The following ANKRD11 variants were observed in gnomAD, a reference collection of about 807,000 sequenced individuals.
ANKRD11 encodes the protein ankyrin repeat domain-containing protein 11.
Under a neutral mutation model 195.7 loss-of-function variants are expected in ANKRD11, and 17 were observed. The ratio of observed to expected loss-of-function variants is 0.09; its 90% confidence interval spans 0.06 to 0.13. ANKRD11 has a LOEUF of 0.13. ANKRD11 is among the 10% of genes least tolerant of loss of function. ANKRD11 has a pLI of 1.00. For synonymous variants in ANKRD11, 1,953 were observed against 1,528.1 expected (o/e 1.28, Z -6.49); for missense variants, 3,735 against 3,566.1 (o/e 1.05, Z -1.21).
chr16:89,274,691 C>A (rs932853081), intron 11 of ANKRD11, 123 bp downstream of exon 11: 2 of 1,410,850 alleles, frequency 1.4e-6, no homozygotes, highest in Middle Eastern at 2.4e-4. Context: ...GACTCTGTAG[C>A]CCCTGCAAGG....
chr16:89,442,119 C>T (rs1446101629), intron 1 of ANKRD11, among the ~76,000 whole-genome samples: 4 of 152,204 alleles, frequency 2.6e-5, no homozygotes, highest in Admixed American at 1.3e-4. Flanking sequence ...GCAGTTGGCA[C>T]ACCGATGCAG....
intron 2 of ANKRD11, among the ~76,000 whole-genome samples, chr16:89,415,151 G>A (rs539830550): frequency 2.0e-5 from 3 of 151,146 alleles, no homozygotes; most frequent in South Asian, 2.1e-4. Flanking sequence ...ATGCGGTCTC[G>A]TCATGTTACT....
chr16:89,417,927 C>G (rs1222965142), intron 2 of ANKRD11, among the ~76,000 whole-genome samples: 4 of 152,174 alleles, frequency 2.6e-5, no homozygotes, highest in East Asian at 1.9e-4. Context: ...TCAGAGCACA[C>G]AACACACAGC....
In ANKRD11 at chr16:89,279,957, G is replaced by T; in HGVS notation, c.6585C>A (p.Ala2195=). 6.2e-7 allele frequency: 1 copy of T among 1,610,402 alleles called. No individual in the cohort carries two copies. The change falls in exon 9 of 13, where the codon GCC becomes GCA. Residue 2195 remains alanine, a synonymous_variant. Coordinates refer to ENST00000301030, the MANE Select transcript of ANKRD11 (RefSeq NM_013275.6). The surrounding 1 kb of genome is among the most constrained non-coding windows in gnomAD (Gnocchi z 5.6). ...EEPPALPPDQ[A]STRLPAELEP... Reference sequence around the variant, plus strand: ...CGAGCTCTGCAGGGAGCCGGGTGGAGGCCTGGTCAGGAGGCAGTGCCGGCG... The same window carrying T: ...CGAGCTCTGCAGGGAGCCGGGTGGATGCCTGGTCAGGAGGCAGTGCCGGCG...
chr16:89,281,322 G>C lies in ANKRD11; in HGVS notation c.5220C>G (p.Ala1740=), dbSNP rs149098783. ...GCACGGGCGTGGAGTGCTGCGAGTC[G>C]GCGCAGTCGAACACGAGGTCCGCGT... is the stretch of plus-strand genomic sequence containing the variant. ...DDYADLVFDC[A]DSQHSTPVPT... Residue 1740 remains alanine (A), a synonymous_variant, in exon 9 of 13, where the codon GCC becomes GCG. Transcript: ENST00000301030. The surrounding 1 kb of genome is among the most constrained non-coding windows in gnomAD (Gnocchi z 5.5). 1 of 1,613,854 alleles carries C rather than the reference G, an allele frequency of 6.2e-7. No individual in the cohort carries two copies. Among genetic ancestry groups the C allele is most frequent in the Non-Finnish European group, 8.5e-7 (1 of 1,179,808 alleles).
intron 2 of ANKRD11, among the ~76,000 whole-genome samples, chr16:89,416,963 C>T (rs961142452): frequency 2.6e-5 from 4 of 152,030 alleles, no homozygotes; most frequent in Non-Finnish European, 5.9e-5. Context: ...AGGCTCAGTC[C>T]ACCTCCAGAT....
intron 2 of ANKRD11, among the ~76,000 whole-genome samples, chr16:89,334,702 G>A (rs1204591293): frequency 6.6e-6 from 1 of 152,028 alleles, no homozygotes; most frequent in Non-Finnish European, 1.5e-5. Context: ...GCACACCCCA[G>A]GGATGAGCAG....
chr16:89,324,510 G>C lies in ANKRD11; in HGVS notation c.-59-7432C>G, dbSNP rs572087683. 6 of 456,294 alleles carry C rather than the reference G, an allele frequency of 1.3e-5. No homozygotes were observed. The East Asian group carries it at 4.2e-4, about 32-fold the overall frequency. The allele number at this position is 456,294 out of a possible 1,614,324, so 28.3% of individuals were successfully genotyped here. A position where few individuals can be genotyped will look rare whatever the true frequency, so the allele number is the denominator to read the frequency against. On this transcript the variant is annotated intron_variant, in intron 2 of 12. Transcript: ENST00000301030. Reference sequence around the variant, plus strand: ...TAACTGTTCCTGGGAGCATCTTGAGGAAGCTGCCAAAGGAGATTCACATTG... The same window carrying C: ...TAACTGTTCCTGGGAGCATCTTGAGCAAGCTGCCAAAGGAGATTCACATTG...
At chr16:89,346,573 A>C (rs2038953252) in intron 2 of ANKRD11, among the ~76,000 whole-genome samples, 1 of 152,252 alleles carries the variant, frequency 6.6e-6, no homozygotes, top group South Asian at 2.1e-4. Flanking sequence ...AGTGCAGTTC[A>C]GATGGGAGGA....
At chr16:89,345,380 C>G (rs1337329168) in intron 2 of ANKRD11, among the ~76,000 whole-genome samples, 1 of 152,120 alleles carries the variant, frequency 6.6e-6, no homozygotes, top group Non-Finnish European at 1.5e-5. Flanking sequence ...AGGCTCTGCC[C>G]TCGTGGGTGG....
chr16:89,462,965 C>A (rs1283584102), intron 1 of ANKRD11, among the ~76,000 whole-genome samples: 2 of 151,122 alleles, frequency 1.3e-5, no homozygotes, highest in African/African-American at 4.9e-5. Context: ...GGTCAGCCCC[C>A]CCGCCAGGCC....
At chr16:89,323,217 GC>G in intron 2 of ANKRD11, 1 of 974,156 alleles carries the variant, frequency 1.0e-6, no homozygotes, top group Non-Finnish European at 1.4e-6. Context: ...AACGGACTGA[GC>G]GGAGGAAAAA....
chr16:89,432,944 ATCTC>A (rs56770747), intron 1 of ANKRD11, among the ~76,000 whole-genome samples: 26,120 of 108,432 alleles, frequency 0.24, 2,493 homozygotes, highest in Middle Eastern at 0.42. Context: ...CAGAGACCCT[ATCTC>A]TCTCTCTCTC....
chr16:89,415,835 A>AAAAAAAAAAAAAACAAAAC (rs1165781585), intron 2 of ANKRD11, among the ~76,000 whole-genome samples: 3 of 140,768 alleles, frequency 2.1e-5, no homozygotes, highest in Admixed American at 7.2e-5. Flanking sequence ...GTCTCAAAAA[A>AAAAAAAAAAAAAACAAAAC]AAAAAAAAAA....
At chr16:89,391,045 G>GGT (rs1208607406) in intron 2 of ANKRD11, among the ~76,000 whole-genome samples, 4 of 151,960 alleles carry the variant, frequency 2.6e-5, no homozygotes, top group Non-Finnish European at 5.9e-5. Flanking sequence ...TGGCTAACAC[G>GGT]GTGAAACCCC....
intron 4 of ANKRD11, among the ~76,000 whole-genome samples, chr16:89,304,271 CGGGCACACAGGCATGCACACAT>C (rs773580014): frequency 6.6e-6 from 1 of 152,090 alleles, no homozygotes; most frequent in Non-Finnish European, 1.5e-5. Context: ...GGCTTGCACA[CGGGCACACAGGCATGCACACAT>C]GGGCACACAG....
chr16:89,388,922 T>C (rs2041050471), intron 2 of ANKRD11, among the ~76,000 whole-genome samples: 1 of 152,220 alleles, frequency 6.6e-6, no homozygotes, highest in African/African-American at 2.4e-5. Flanking sequence ...AGGAACTATG[T>C]GGATCCCAGA....
In ANKRD11 at chr16:89,283,324, T is replaced by C. The variant is rs1460637990; in HGVS notation, c.3218A>G (p.Asp1073Gly). ...KEKHKDTHGK[D>G]KERKASLDQG... ...GTCGAGAGACGCTTTCCTTTCTTTG[T>C]CTTTGCCATGTGTGTCTTTATGTTT... Residue 1073 changes from aspartate to glycine, a missense_variant, in exon 9 of 13, where the codon GAC becomes GGC. Physicochemically the swap from Asp to Gly is moderately conservative, Grantham distance 94. Transcript: ENST00000301030. The surrounding 1 kb of genome is among the most constrained non-coding windows in gnomAD (Gnocchi z 4.3). 6.2e-7 allele frequency: 1 copy of C among 1,614,046 alleles called. No individual in the cohort carries two copies. The highest frequency in any genetic ancestry group is 2.2e-5 in the East Asian group (1 of 44,886).
intron 2 of ANKRD11, among the ~76,000 whole-genome samples, chr16:89,368,976 G>C (rs2040073993): frequency 6.6e-6 from 1 of 152,130 alleles, no homozygotes; most frequent in Non-Finnish European, 1.5e-5. Context: ...CGCCTGGAGG[G>C]AACAAGGGTT....
Sources: gnomAD v4.1 joint callset for allele counts (sites outside exome capture counted in the v4.1 genomes callset) on GRCh38, gnomAD v4.1.1 for gene constraint, Gnocchi (gnomAD v3.1) non-coding constraint, MANE v1.5 for transcripts, NCBI Gene and HGNC (gene_info 2026-07-23, HGNC 2026-07-21) for gene names.